PCBP3: variants seen among roughly 807,000 people sequenced by gnomAD.
PCBP3 encodes poly(rC) binding protein 3, also known as poly(rC)-binding protein 3.
A neutral mutation model predicts 52.7 loss-of-function variants in PCBP3; 25 were observed. The observed-to-expected ratio is 0.47, with a 90% confidence interval of 0.35 to 0.66. The LOEUF (loss-of-function observed/expected upper bound fraction) is 0.66. PCBP3 is among the 30% of genes least tolerant of loss of function. The pLI, the probability that PCBP3 is intolerant of heterozygous loss-of-function variation, is 0.01. For missense variants in PCBP3, 391 were observed against 490.3 expected, an observed-to-expected ratio of 0.80 and a Z score of 1.91; for synonymous variants, 162 against 183.0, an observed-to-expected ratio of 0.89 and a Z score of 0.93.
chr21:45,760,236 G>T (rs2088495047), intron 4 of PCBP3: 1 of 152,162 alleles, frequency 6.6e-6, no homozygotes, highest in African/African-American at 2.4e-5. Flanking sequence ...CTACTCATAG[G>T]CATGATCACA....
chr21:45,909,118 C>T (rs868373790), intron 9 of PCBP3, among the ~76,000 whole-genome samples: 9 of 152,016 alleles, frequency 5.9e-5, no homozygotes, highest in Admixed American at 6.6e-5. Context: ...CGCCCCAACC[C>T]CACTGCGGCA....
intron 4 of PCBP3, chr21:45,828,485 T>G (rs1469485208): frequency 6.6e-6 from 1 of 152,204 alleles, no homozygotes; most frequent in Non-Finnish European, 1.5e-5. Context: ...CCAGCCGCAC[T>G]TTCCAGTGGA....
chr21:45,759,592 A>G (rs2088420457), intron 4 of PCBP3, among the ~76,000 whole-genome samples: 1 of 152,226 alleles, frequency 6.6e-6, no homozygotes, highest in Non-Finnish European at 1.5e-5. Flanking sequence ...GACAGAACAC[A>G]GCCCAGAGGG....
At chr21:45,652,098 G>A (rs533910502) in intron 1 of PCBP3, among the ~76,000 whole-genome samples, 1 of 151,868 alleles carries the variant, frequency 6.6e-6, no homozygotes, top group Admixed American at 6.6e-5. Flanking sequence ...CCCTTTCTTT[G>A]TTCTCAGTCA....
chr21:45,911,151 C>T, intron 11 of PCBP3, 121 bp downstream of exon 11: 1 of 1,152,812 alleles, frequency 8.7e-7, no homozygotes, highest in Non-Finnish European at 1.3e-6. Context: ...CTGTGGGGGG[C>T]TCCTGACCCC....
intron 3 of PCBP3, among the ~76,000 whole-genome samples, chr21:45,747,393 T>C (rs2086997893): frequency 6.6e-6 from 1 of 152,218 alleles, no homozygotes; most frequent in Non-Finnish European, 1.5e-5. Flanking sequence ...CCACCGGGCA[T>C]CCTTGTTCTG....
At chr21:45,755,679 AC>A (rs1367846836) in intron 4 of PCBP3, among the ~76,000 whole-genome samples, 2 of 152,198 alleles carry the variant, frequency 1.3e-5, no homozygotes, top group Admixed American at 6.5e-5. Flanking sequence ...GACATGTGAT[AC>A]GGAACCTTCC....
rs902760811 is a variant in PCBP3 at position 45,805,908 on chromosome 21, A to G, written c.-125-44053A>G. Among the ~76,000 whole-genome samples the G allele has an allele frequency of 1.3e-5, 2 of 152,148 alleles. No individual in the cohort carries two copies. Among genetic ancestry groups the G allele is most frequent in the African/African-American group, 4.8e-5 (2 of 41,450 alleles). On this transcript the variant is annotated intron_variant, in intron 4 of 17. Coordinates refer to ENST00000681687, the MANE Select transcript of PCBP3 (RefSeq NM_001384156.1). This position sits in a 1 kb window ranked among gnomAD's most constrained non-coding sequence, Gnocchi z 4.6. ...GAGAGCAGAGCTGGGGGGGCGGGCC[A>G]TGAGGGGAAGTCCAGGCCTCTCCAC...
chr21:45,660,330 C>A (rs2080305464), intron 1 of PCBP3, among the ~76,000 whole-genome samples: 1 of 152,036 alleles, frequency 6.6e-6, no homozygotes. Context: ...TATATTTTTC[C>A]ATGCTTTTAA....
chr21:45,682,463 T>G lies in PCBP3; in HGVS notation c.-200+13511T>G, dbSNP rs574527411. Among the ~76,000 whole-genome samples, 290 of 152,276 alleles carry G rather than the reference T, an allele frequency of 1.9e-3. 1 individual carries two copies. The highest frequency in any genetic ancestry group is 6.6e-3 in the African/African-American group (276 of 41,540). On this transcript the variant is annotated intron_variant, in intron 2 of 17. Coordinates refer to ENST00000681687, the MANE Select transcript of PCBP3 (RefSeq NM_001384156.1). Reference sequence around the variant, plus strand: ...TCTGACTAGTATGGGACTGACTGCCTGTAACCAGGCAAAAACTGAAGCAAG... The same window carrying G: ...TCTGACTAGTATGGGACTGACTGCCGGTAACCAGGCAAAAACTGAAGCAAG...
At position 45,746,011 on chromosome 21, in the gene PCBP3, C is replaced by CTG. The variant is rs1555918317; in HGVS notation, c.-161-9404_-161-9403dup. 1.3e-4 allele frequency among the ~76,000 whole-genome samples: 17 copies of CTG among 134,300 alleles called. 1 individual carries two copies. Among genetic ancestry groups the CTG allele is most frequent in the Middle Eastern group, 5.6e-3 (1 of 178 alleles). The allele number at this position is 134,300 out of a possible 152,430, so 88.1% of individuals were successfully genotyped here. A position where few individuals can be genotyped will look rare whatever the true frequency, so the allele number is the denominator to read the frequency against. On this transcript the variant is annotated intron_variant, in intron 3 of 17. Transcript: ENST00000681687. ...CGCACACGGTGTTGTGTCAGCATCG[C>CTG]TGTCAGTCCATTGACGTAGCACACA...
chr21:45,912,570 A>G (rs2096418419), intron 11 of PCBP3, among the ~76,000 whole-genome samples: 1 of 152,034 alleles, frequency 6.6e-6, no homozygotes, highest in Admixed American at 6.6e-5. Context: ...ATCGCCACAG[A>G]TGGTGCCCTG....
At chr21:45,666,543 T>C (rs1165382463) in intron 1 of PCBP3, among the ~76,000 whole-genome samples, 1 of 152,188 alleles carries the variant, frequency 6.6e-6, no homozygotes, top group Non-Finnish European at 1.5e-5. Context: ...GTAGGTTTTC[T>C]AGTGACATAT....
At chr21:45,658,790 A>G (rs1224154608) in intron 1 of PCBP3, among the ~76,000 whole-genome samples, 1 of 152,130 alleles carries the variant, frequency 6.6e-6, no homozygotes, top group Non-Finnish European at 1.5e-5. Flanking sequence ...TAGTGAAGCC[A>G]TCTGTTTCTA....
chr21:45,812,078 C>A (rs1416087387), intron 4 of PCBP3, among the ~76,000 whole-genome samples: 2 of 152,128 alleles, frequency 1.3e-5, no homozygotes, highest in Non-Finnish European at 2.9e-5. Context: ...TTATATTACA[C>A]CTTTTCACAT....
At chr21:45,689,479 A>G (rs979758198) in intron 2 of PCBP3, among the ~76,000 whole-genome samples, 3 of 152,092 alleles carry the variant, frequency 2.0e-5, no homozygotes, top group African/African-American at 7.2e-5. Context: ...TTAACATTAT[A>G]CTTCATGGCG....
At chr21:45,731,100 C>A (rs768242171) in intron 2 of PCBP3, among the ~76,000 whole-genome samples, 1 of 152,066 alleles carries the variant, frequency 6.6e-6, no homozygotes, top group Non-Finnish European at 1.5e-5. Flanking sequence ...TTATTAGAGT[C>A]CCCTTTTTTC....
rs1446731492 is a variant in PCBP3, at chr21:45,875,659, G to A, written c.11-20549G>A. Among the ~76,000 whole-genome samples, 6 of 152,324 alleles carry A rather than the reference G, an allele frequency of 3.9e-5. No homozygotes were observed. The East Asian group carries it at 7.7e-4, about 20-fold the overall frequency. ...GGTGACGTCCCTCCCTGTCCAGGGC[G>A]AGAGCAGGACAGATACTGTCTCTGA... On this transcript the variant is annotated intron_variant, in intron 5 of 17. Transcript: ENST00000681687.
chr21:45,764,289 A>G (rs1026682060), intron 4 of PCBP3, among the ~76,000 whole-genome samples: 3 of 151,874 alleles, frequency 2.0e-5, no homozygotes, highest in Non-Finnish European at 2.9e-5. Flanking sequence ...CGCCCGGCTA[A>G]TTATGTATTT....
Sources: allele counts gnomAD v4.1 joint callset (sites outside exome capture counted in the v4.1 genomes callset), GRCh38; gene constraint gnomAD v4.1.1; non-coding constraint Gnocchi (gnomAD v3.1); transcripts MANE v1.5; gene names NCBI Gene and HGNC (gene_info 2026-07-23, HGNC 2026-07-21).